Variants in GALNT13 observed in about 807,000 individuals in gnomAD.
The protein encoded by GALNT13 is polypeptide N-acetylgalactosaminyltransferase 13.
In GALNT13, 28 loss-of-function variants were observed where a neutral mutation model predicts 64.2. That is an observed-to-expected ratio of 0.44 (90% CI 0.32 to 0.60). GALNT13 has a LOEUF of 0.60. Ranked by LOEUF, GALNT13 falls within the 20% of genes least tolerant of loss-of-function variation. The pLI is 0.05. For synonymous variants in GALNT13, 214 were observed against 224.6 expected (o/e 0.95, Z 0.42); for missense variants, 577 against 669.8 (o/e 0.86, Z 1.53).
At chr2:154,132,276 A>G (rs1275234814) in intron 3 of GALNT13, among the ~76,000 whole-genome samples, 1 of 152,232 alleles carries the variant, frequency 6.6e-6, no homozygotes, top group African/African-American at 2.4e-5. Flanking sequence ...AAGATGTAAA[A>G]GGCCCTTTAA....
chr2:153,372,251 T>G, the GALNT13 span, among the ~76,000 whole-genome samples: 16 of 152,310 alleles, frequency 1.1e-4, no homozygotes, highest in South Asian at 3.3e-3. Context: ...ATCCCCACTT[T>G]CTATTGACTG....
the GALNT13 span, among the ~76,000 whole-genome samples, chr2:153,648,508 T>C: frequency 0.035 from 5,329 of 152,246 alleles, 136 homozygotes; most frequent in Non-Finnish European, 0.056. Flanking sequence ...CTATGTTGAA[T>C]AGGAGTGGTG....
chr2:154,290,259 G>A (rs1031330747), intron 8 of GALNT13, among the ~76,000 whole-genome samples: 3 of 152,198 alleles, frequency 2.0e-5, no homozygotes, highest in Non-Finnish European at 4.4e-5. Context: ...CAGGGAAGAA[G>A]GTGCAGGGAA....
chr2:154,109,820 A>G (rs1702833338), intron 3 of GALNT13, among the ~76,000 whole-genome samples: 1 of 151,976 alleles, frequency 6.6e-6, no homozygotes, highest in South Asian at 2.1e-4. Flanking sequence ...TAAATCTCAC[A>G]TAATCTTGGT....
intron 9 of GALNT13, among the ~76,000 whole-genome samples, chr2:154,340,479 G>A (rs1395549042): frequency 6.6e-6 from 1 of 152,026 alleles, no homozygotes; most frequent in Non-Finnish European, 1.5e-5. Context: ...GAGTTTTCTT[G>A]ATGATGACTT....
the GALNT13 span, among the ~76,000 whole-genome samples, chr2:153,667,554 T>A: frequency 6.6e-6 from 1 of 152,196 alleles, no homozygotes; most frequent in African/African-American, 2.4e-5. Context: ...AGAAATAGGA[T>A]CCTTTTCAGA....
the GALNT13 span, among the ~76,000 whole-genome samples, chr2:153,549,979 CT>C: frequency 2.6e-5 from 4 of 152,130 alleles, no homozygotes; most frequent in Non-Finnish European, 4.4e-5. Context: ...GACCTCTAAG[CT>C]ACCGTAGCAA....
At chr2:154,272,861 G>A (rs1034489747) in intron 8 of GALNT13, among the ~76,000 whole-genome samples, 17 of 152,024 alleles carry the variant, frequency 1.1e-4, no homozygotes, top group East Asian at 9.7e-4. Flanking sequence ...TTTTTCTTAC[G>A]TGGAAAGGGA....
At chr2:153,364,663 G>C in the GALNT13 span, among the ~76,000 whole-genome samples, 7 of 151,986 alleles carry the variant, frequency 4.6e-5, no homozygotes, top group Admixed American at 1.3e-4. Flanking sequence ...AAATATCTAG[G>C]AATACAGCTA....
At chr2:154,278,238 G>T (rs1293265347) in intron 8 of GALNT13, among the ~76,000 whole-genome samples, 2 of 152,184 alleles carry the variant, frequency 1.3e-5, no homozygotes, top group South Asian at 2.1e-4. Context: ...AACTTTAAGC[G>T]TACTGTGTCC....
chr2:153,169,215 G>A, the GALNT13 span, among the ~76,000 whole-genome samples: 20 of 152,216 alleles, frequency 1.3e-4, no homozygotes, highest in Non-Finnish European at 8.8e-5. Flanking sequence ...AGGGCAAAAA[G>A]ATTGACCTGA....
the GALNT13 span, among the ~76,000 whole-genome samples, chr2:153,789,644 TC>T: frequency 2.6e-5 from 4 of 151,848 alleles, no homozygotes; most frequent in Non-Finnish European, 5.9e-5. Flanking sequence ...ATTCACCAAA[TC>T]CAGGAGATGG....
the GALNT13 span, among the ~76,000 whole-genome samples, chr2:153,240,457 G>A: frequency 1.3e-5 from 2 of 152,088 alleles, no homozygotes; most frequent in Admixed American, 1.3e-4. Context: ...CTACCTGCTT[G>A]TGGTTCAGTA....
the GALNT13 span, among the ~76,000 whole-genome samples, chr2:153,157,259 A>G: frequency 2.6e-5 from 4 of 152,180 alleles, no homozygotes; most frequent in African/African-American, 4.8e-5. Flanking sequence ...ATTATTTGCA[A>G]TGATAAACTC....
At chr2:153,717,263 A>C in the GALNT13 span, among the ~76,000 whole-genome samples, 1 of 152,220 alleles carries the variant, frequency 6.6e-6, no homozygotes, top group Admixed American at 6.5e-5. Context: ...CATAATGAAA[A>C]TAAAAGCGTG....
At chr2:154,272,767 AG>A (rs931620972) in intron 8 of GALNT13, among the ~76,000 whole-genome samples, 2 of 152,160 alleles carry the variant, frequency 1.3e-5, no homozygotes, top group Non-Finnish European at 2.9e-5. Context: ...ATTCTAATAA[AG>A]AAATGTTTAA....
At chr2:153,424,184 AACT>A in the GALNT13 span, among the ~76,000 whole-genome samples, 1 of 151,048 alleles carries the variant, frequency 6.6e-6, no homozygotes, top group East Asian at 2.0e-4. Flanking sequence ...ATACAGAAAT[AACT>A]AAGATCAAAT....
the GALNT13 span, among the ~76,000 whole-genome samples, chr2:153,244,658 C>T: frequency 6.6e-6 from 1 of 152,194 alleles, no homozygotes; most frequent in Non-Finnish European, 1.5e-5. Context: ...GTTCCAGGTG[C>T]CACTGGGTAC....
chr2:153,872,314 C>A lies in GALNT13; in HGVS notation c.-177+11C>A, dbSNP rs984460033. On this transcript the variant is annotated intron_variant, in intron 1 of 12. Coordinates refer to ENST00000392825, the MANE Select transcript of GALNT13 (RefSeq NM_052917.4). ...TGGCCAGGATAGCAGGTCTCCGTCT[C>A]TTTCTCGCTTCCCCTCTTTTCCTCT... The A allele has an allele frequency of 2.0e-5, 3 of 152,452 alleles. No homozygotes were observed. The highest frequency in any genetic ancestry group is 1.5e-5 in the Non-Finnish European group (1 of 68,302). 9.4% of individuals were successfully genotyped at this position (152,452 alleles called of 1,614,324 possible).
Sources: allele counts gnomAD v4.1 joint callset (sites outside exome capture counted in the v4.1 genomes callset), GRCh38; gene constraint gnomAD v4.1.1; transcripts MANE v1.5; gene names NCBI Gene and HGNC (gene_info 2026-07-23, HGNC 2026-07-21).